LINGO2: variants seen among roughly 807,000 people sequenced by gnomAD.
The protein encoded by LINGO2 is leucine-rich repeat and immunoglobulin-like domain-containing nogo receptor-interacting protein 2.
Under a neutral mutation model 30.6 loss-of-function variants are expected in LINGO2, and 14 were observed. The ratio of observed to expected loss-of-function variants is 0.46; its 90% CI spans 0.30 to 0.72. The LOEUF (loss-of-function observed/expected upper bound fraction) is 0.72. LINGO2 is among the 30% of genes least tolerant of loss of function. The pLI is 0.07. For synonymous variants in LINGO2, 317 were observed against 288.5 expected (o/e 1.10, Z -1.00); for missense variants, 729 against 751.7 (o/e 0.97, Z 0.35).
At chr9:29,027,275 T>C in the LINGO2 span, among the ~76,000 whole-genome samples, 1 of 152,220 alleles carries the variant, frequency 6.6e-6, no homozygotes, top group African/African-American at 2.4e-5. Flanking sequence ...ATGAATTGTC[T>C]TCAATCATAA....
At chr9:28,819,500 T>C in the LINGO2 span, among the ~76,000 whole-genome samples, 4 of 152,214 alleles carry the variant, frequency 2.6e-5, no homozygotes, top group Admixed American at 6.5e-5. Context: ...GTGTTATATT[T>C]ATTTGTATGA....
At chr9:28,604,042 C>G (rs2135756508) in intron 1 of LINGO2, among the ~76,000 whole-genome samples, 1 of 152,018 alleles carries the variant, frequency 6.6e-6, no homozygotes, top group Non-Finnish European at 1.5e-5. Context: ...ATTTTCATTT[C>G]TGAATATTAA....
the LINGO2 span, among the ~76,000 whole-genome samples, chr9:29,140,934 G>C: frequency 6.6e-6 from 1 of 151,878 alleles, no homozygotes; most frequent in African/African-American, 2.4e-5. Flanking sequence ...CCAGAAACTG[G>C]TCCCTCAAAA....
intron 2 of LINGO2, among the ~76,000 whole-genome samples, chr9:28,445,518 C>T (rs904413751): frequency 3.9e-5 from 6 of 152,162 alleles, no homozygotes; most frequent in African/African-American, 1.4e-4. Flanking sequence ...GTGAAGGAGA[C>T]AAAATAGTGT....
At chr9:28,233,557 A>T (rs1821450098) in intron 4 of LINGO2, among the ~76,000 whole-genome samples, 1 of 152,176 alleles carries the variant, frequency 6.6e-6, no homozygotes, top group African/African-American at 2.4e-5. Context: ...ATAGTGTTAT[A>T]AGTGTGACTT....
the LINGO2 span, among the ~76,000 whole-genome samples, chr9:28,896,870 T>C: frequency 2.0e-5 from 3 of 152,270 alleles, no homozygotes; most frequent in East Asian, 5.8e-4. Context: ...ATATCATCTA[T>C]AGAAACAAAT....
intron 4 of LINGO2, among the ~76,000 whole-genome samples, chr9:28,167,551 T>C (rs904900660): frequency 6.6e-6 from 1 of 152,096 alleles, no homozygotes; most frequent in Non-Finnish European, 1.5e-5. Flanking sequence ...CAGCTAATTC[T>C]TTTTTTGTTA....
chr9:28,933,229 T>C, the LINGO2 span, among the ~76,000 whole-genome samples: 1 of 152,216 alleles, frequency 6.6e-6, no homozygotes, highest in South Asian at 2.1e-4. Context: ...TCCACTGTAT[T>C]TTCCATACTA....
the LINGO2 span, among the ~76,000 whole-genome samples, chr9:29,143,623 G>C: frequency 6.6e-6 from 1 of 152,080 alleles, no homozygotes; most frequent in East Asian, 1.9e-4. Flanking sequence ...AAGAATGAAA[G>C]CCTTTCCTAG....
chr9:28,535,921 T>A (rs1821420629), intron 1 of LINGO2, among the ~76,000 whole-genome samples: 1 of 152,234 alleles, frequency 6.6e-6, no homozygotes, highest in South Asian at 2.1e-4. Flanking sequence ...AGATGAGACA[T>A]GACCTTTGGC....
chr9:28,730,103 A>G, the LINGO2 span, among the ~76,000 whole-genome samples: 1 of 152,198 alleles, frequency 6.6e-6, no homozygotes, highest in Non-Finnish European at 1.5e-5. Flanking sequence ...AGATTTTCAG[A>G]CATATTCTCA....
intron 4 of LINGO2, among the ~76,000 whole-genome samples, chr9:28,034,833 C>T (rs559271042): frequency 3.9e-5 from 6 of 152,336 alleles, no homozygotes; most frequent in Non-Finnish European, 7.3e-5. Flanking sequence ...TGTCTCCTCT[C>T]ACTTGTTTGA....
intron 4 of LINGO2, among the ~76,000 whole-genome samples, chr9:28,046,145 C>T (rs995534204): frequency 9.9e-5 from 15 of 152,152 alleles, no homozygotes; most frequent in African/African-American, 3.6e-4. Context: ...GCTAAAACCA[C>T]TTTTTAAATG....
At chr9:28,860,413 G>A in the LINGO2 span, among the ~76,000 whole-genome samples, 1 of 151,972 alleles carries the variant, frequency 6.6e-6, no homozygotes, top group Admixed American at 6.6e-5. Flanking sequence ...CCCCATGCTT[G>A]AAATAATTTT....
the LINGO2 span, among the ~76,000 whole-genome samples, chr9:29,194,138 T>A: frequency 6.6e-6 from 1 of 152,156 alleles, no homozygotes; most frequent in Admixed American, 6.5e-5. Flanking sequence ...TTGAACAAGG[T>A]CTTGCTTACG....
chr9:28,789,062 G>A, the LINGO2 span, among the ~76,000 whole-genome samples: 1 of 151,980 alleles, frequency 6.6e-6, no homozygotes, highest in African/African-American at 2.4e-5. Context: ...CATATGTCAA[G>A]ACCTAAATAA....
At chr9:27,958,300 C>G (rs1819676580) in intron 5 of LINGO2, among the ~76,000 whole-genome samples, 1 of 152,098 alleles carries the variant, frequency 6.6e-6, no homozygotes, top group Non-Finnish European at 1.5e-5. Flanking sequence ...ATAAACCTTA[C>G]TTTGTCATTT....
intron 4 of LINGO2, among the ~76,000 whole-genome samples, chr9:28,140,206 C>G (rs546401673): frequency 3.9e-5 from 6 of 152,286 alleles, no homozygotes; most frequent in African/African-American, 1.4e-4. Flanking sequence ...TTCATGTACT[C>G]TGTAGACAGT....
At chr9:28,602,116 T>C (rs1825507809) in intron 1 of LINGO2, among the ~76,000 whole-genome samples, 1 of 152,034 alleles carries the variant, frequency 6.6e-6, no homozygotes, top group Non-Finnish European at 1.5e-5. Context: ...AAAGTTGTGA[T>C]TTTTAGGTAA....
Sources: gnomAD v4.1 joint callset for allele counts (sites outside exome capture counted in the v4.1 genomes callset) on GRCh38, gnomAD v4.1.1 for gene constraint, MANE v1.5 for transcripts, NCBI Gene and HGNC (gene_info 2026-07-23, HGNC 2026-07-21) for gene names.